PREX2: variants seen among roughly 807,000 people sequenced by gnomAD.
The protein encoded by PREX2 is phosphatidylinositol 3,4,5-trisphosphate-dependent Rac exchanger 2 protein.
Under a neutral mutation model 203.2 loss-of-function variants are expected in PREX2, and 107 were observed. That is an observed-to-expected ratio of 0.53 (90% CI 0.45 to 0.62). The LOEUF (loss-of-function observed/expected upper bound fraction) is 0.62. PREX2 is among the 20% of genes least tolerant of loss of function. The pLI is 0.00. For missense variants in PREX2, 1,777 were observed against 1,955.9 expected (o/e 0.91, Z 1.72); for synonymous variants, 672 against 663.6 (o/e 1.01, Z -0.19).
intron 1 of PREX2, 81 bp downstream of exon 1, chr8:67,952,616 G>C: frequency 6.5e-7 from 1 of 1,538,414 alleles, no homozygotes; most frequent in Non-Finnish European, 8.8e-7. Flanking sequence ...AAGGACGCGC[G>C]GCATTGTCTG....
chr8:68,049,442 A>G (rs1374862587), intron 8 of PREX2, among the ~76,000 whole-genome samples: 1 of 152,072 alleles, frequency 6.6e-6, no homozygotes, highest in Admixed American at 6.6e-5. Flanking sequence ...AAATTTATTG[A>G]AAGAATACTG....
intron 37 of PREX2, among the ~76,000 whole-genome samples, chr8:68,199,106 G>T (rs1812454812): frequency 6.6e-6 from 1 of 151,466 alleles, no homozygotes; most frequent in Non-Finnish European, 1.5e-5. Flanking sequence ...GTTGTTAGTG[G>T]CACCATCAAG....
At chr8:68,075,953 A>G (rs2129611757) in intron 14 of PREX2, among the ~76,000 whole-genome samples, 1 of 152,316 alleles carries the variant, frequency 6.6e-6, no homozygotes, top group East Asian at 1.9e-4. Flanking sequence ...GAGTGAAAGC[A>G]GGAGAAGAAC....
chr8:68,115,761 C>T lies in PREX2; in HGVS notation c.3155C>T (p.Ser1052Phe). ...MCVCQIDDLL[S>F]SITYSPKLER... is the part of the protein sequence containing the mutation. ...TTAATATTACATTGCAGCCTTCTGT[C>T]TTCAATAACATATTCTCCTAAATTA... Residue 1052 changes from serine (S) to phenylalanine (F), a missense_variant, in exon 26 of 40, where the codon TCT (serine) becomes TTT (phenylalanine). Transcript: ENST00000288368. 3 of 1,606,838 alleles carry T rather than the reference C, an allele frequency of 1.9e-6. No homozygotes were observed. Among genetic ancestry groups the T allele is most frequent in the Non-Finnish European group, 2.5e-6 (3 of 1,177,336 alleles).
intron 37 of PREX2, among the ~76,000 whole-genome samples, chr8:68,210,267 C>T (rs1000491897): frequency 4.6e-5 from 7 of 152,260 alleles, no homozygotes; most frequent in African/African-American, 1.7e-4. Flanking sequence ...AATTTTTTTA[C>T]TGCAACATCT....
At chr8:68,203,059 A>ATG (rs1812539104) in intron 37 of PREX2, among the ~76,000 whole-genome samples, 1 of 152,166 alleles carries the variant, frequency 6.6e-6, no homozygotes, top group South Asian at 2.1e-4. Flanking sequence ...ATGGACCCAT[A>ATG]TGCCAGTCTC....
At chr8:68,225,950 T>G (rs1189125485) in intron 39 of PREX2, among the ~76,000 whole-genome samples, 3 of 151,962 alleles carry the variant, frequency 2.0e-5, no homozygotes, top group Admixed American at 1.3e-4. Context: ...TAATAAACAG[T>G]GGGGTGGGGA....
chr8:68,074,356 A>G (rs1809286933), intron 14 of PREX2, among the ~76,000 whole-genome samples: 1 of 152,168 alleles, frequency 6.6e-6, no homozygotes, highest in Non-Finnish European at 1.5e-5. Context: ...GCTGGGACTC[A>G]CAACCTAGTG....
chr8:67,957,494 C>A (rs1426394061), intron 1 of PREX2, among the ~76,000 whole-genome samples: 1 of 152,162 alleles, frequency 6.6e-6, no homozygotes, highest in African/African-American at 2.4e-5. Flanking sequence ...GTGCATGGCT[C>A]AACCTTTCTC....
Position 67,952,219 on chromosome 8 carries a change from G to A in PREX2, c.-176G>A. The A allele has an allele frequency of 2.1e-6, 1 of 479,548 alleles. No individual in the cohort carries two copies. Among genetic ancestry groups the A allele is most frequent in the Non-Finnish European group, 3.3e-6 (1 of 307,460 alleles). 29.7% of individuals were successfully genotyped at this position (479,548 alleles called of 1,614,324 possible). A position where few individuals can be genotyped will look rare whatever the true frequency, so the allele number is the denominator to read the frequency against. ...GCCCCCCGCGCCGGGATTTCAGCCC[G>A]ATCCCCTCCTCTCCCTGCGCCCAGC... On this transcript the variant is annotated 5_prime_UTR_variant, in exon 1 of 40. Coordinates refer to ENST00000288368, the MANE Select transcript of PREX2 (RefSeq NM_024870.4).
intron 37 of PREX2, among the ~76,000 whole-genome samples, chr8:68,194,640 A>G (rs568773779): frequency 2.0e-4 from 30 of 152,078 alleles, no homozygotes; most frequent in African/African-American, 6.5e-4. Context: ...AAAAAAAAAA[A>G]AAATACAAAA....
At chr8:68,028,377 T>C (rs1807792064) in intron 5 of PREX2, among the ~76,000 whole-genome samples, 1 of 152,052 alleles carries the variant, frequency 6.6e-6, no homozygotes, top group African/African-American at 2.4e-5. Flanking sequence ...TATAAATTAC[T>C]ACTTGGCATC....
chr8:68,105,267 C>G, intron 23 of PREX2: 1 of 1,367,820 alleles, frequency 7.3e-7, no homozygotes, highest in Non-Finnish European at 9.8e-7. Context: ...GCTGCCTCCT[C>G]CTCTCTTAGG....
At chr8:68,080,688 TGAC>T in intron 16 of PREX2, 55 bp from the exon 17 acceptor site, 1 of 1,454,882 alleles carries the variant, frequency 6.9e-7, no homozygotes. Flanking sequence ...TCGTTCTGTT[TGAC>T]TTGTAATTTT....
intron 7 of PREX2, among the ~76,000 whole-genome samples, chr8:68,044,194 C>T (rs1808275324): frequency 6.6e-6 from 1 of 152,020 alleles, no homozygotes. Flanking sequence ...TGATTGGGCA[C>T]CGCTAATGTC....
At chr8:68,097,351 A>C (rs1438608579) in intron 22 of PREX2, 150 bp downstream of exon 22, 4 of 641,228 alleles carry the variant, frequency 6.2e-6, no homozygotes, top group Non-Finnish European at 1.0e-5. Flanking sequence ...TTGAGACAGA[A>C]TATCACTCTG....
At chr8:68,221,403 T>C (rs1271233062) in intron 38 of PREX2, among the ~76,000 whole-genome samples, 2 of 152,210 alleles carry the variant, frequency 1.3e-5, no homozygotes, top group African/African-American at 4.8e-5. Context: ...CTTAGCCTCT[T>C]TGGTACTTAG....
At chr8:68,093,408 A>AG (rs1554576390) in intron 20 of PREX2, among the ~76,000 whole-genome samples, 197 bp from the exon 21 acceptor site, 1 of 149,592 alleles carries the variant, frequency 6.7e-6, no homozygotes, top group Non-Finnish European at 1.5e-5. Context: ...AAAAAAAAAA[A>AG]AAAGAAAGAA....
intron 35 of PREX2, among the ~76,000 whole-genome samples, chr8:68,182,988 A>C (rs1413307319): frequency 1.3e-5 from 2 of 151,776 alleles, no homozygotes; most frequent in East Asian, 3.9e-4. Context: ...GAAAACTTGC[A>C]TGTGGATGGT....
Sources: allele counts gnomAD v4.1 joint callset (sites outside exome capture counted in the v4.1 genomes callset), GRCh38; gene constraint gnomAD v4.1.1; transcripts MANE v1.5; gene names NCBI Gene and HGNC (gene_info 2026-07-23, HGNC 2026-07-21).